Variants in NUBPL observed in about 807,000 individuals in gnomAD.
NUBPL encodes the protein NUBP iron-sulfur cluster assembly factor, mitochondrial, also known as iron-sulfur cluster transfer protein NUBPL.
NUBPL carries 31 observed loss-of-function variants against 45.7 expected under a neutral mutation model. That is an observed-to-expected ratio of 0.68 (90% confidence interval 0.51 to 0.92). NUBPL has a LOEUF of 0.92. NUBPL is among the 40% of genes least tolerant of loss of function. The pLI, the probability that NUBPL is intolerant of heterozygous loss-of-function variation, is 0.00. For missense variants in NUBPL, 401 were observed against 398.7 expected (o/e 1.01, Z -0.05); for synonymous variants, 144 against 140.9 (o/e 1.02, Z -0.15).
At chr14:31,771,334 G>GA (rs555492198) in intron 6 of NUBPL, among the ~76,000 whole-genome samples, 16 of 149,688 alleles carry the variant, frequency 1.1e-4, no homozygotes, top group South Asian at 6.3e-4. Flanking sequence ...ACCAGAATAG[G>GA]AAAAAAAAAG....
chr14:31,856,425 C>T (rs2040621043), intron 10 of NUBPL, among the ~76,000 whole-genome samples: 1 of 152,100 alleles, frequency 6.6e-6, no homozygotes, highest in Admixed American at 6.5e-5. Context: ...TCCACCCCAG[C>T]CCCTCCCAAA....
At chr14:31,652,376 A>G (rs1207128822) in intron 4 of NUBPL, among the ~76,000 whole-genome samples, 1 of 152,190 alleles carries the variant, frequency 6.6e-6, no homozygotes, top group Non-Finnish European at 1.5e-5. Context: ...GCCATTGTAC[A>G]GCGTGGGGAC....
At chr14:31,755,913 A>G (rs1342739382) in intron 6 of NUBPL, among the ~76,000 whole-genome samples, 2 of 151,456 alleles carry the variant, frequency 1.3e-5, no homozygotes, top group African/African-American at 2.4e-5. Context: ...AGCTTTGTAC[A>G]TATGGCTAGC....
intron 7 of NUBPL, among the ~76,000 whole-genome samples, chr14:31,806,592 C>T (rs1479470378): frequency 6.6e-6 from 1 of 151,822 alleles, no homozygotes; most frequent in African/African-American, 2.4e-5. Flanking sequence ...TTTCTTTTTT[C>T]TGTTTTATTT....
Position 31,599,315 on chromosome 14 carries a change from G to A in NUBPL, c.318G>A (p.Val106=). The change falls in exon 4 of 11, where the codon GTG becomes GTA. Residue 106 remains valine, a synonymous_variant. Coordinates refer to ENST00000281081, the MANE Select transcript of NUBPL (RefSeq NM_025152.3). ...CCAAGGCCATTGGTTTGCTAGATGT[G>A]GATGTGTATGGACCTTCAGTTCCAA... ...DSSKAIGLLD[V]DVYGPSVPKM... is the part of the protein sequence containing the mutation. The A allele has an allele frequency of 1.2e-6, 2 of 1,612,478 alleles. No homozygotes were observed. Among genetic ancestry groups the A allele is most frequent in the East Asian group, 2.2e-5 (1 of 44,772 alleles).
chr14:31,742,642 C>T lies in NUBPL; in HGVS notation c.514-45138C>T, dbSNP rs892980828. ...TTTCTGAGATGGAGTCTTACTCTGT[C>T]GCCCAGGCTAGAGTGCAGTGACATG... is the stretch of plus-strand genomic sequence containing the variant. On this transcript the variant is annotated intron_variant, in intron 6 of 10. Coordinates refer to ENST00000281081, the MANE Select transcript of NUBPL (RefSeq NM_025152.3). 5.3e-5 allele frequency among the ~76,000 whole-genome samples: 8 copies of T among 152,280 alleles called. No individual in the cohort carries two copies. The East Asian group carries it at 5.8e-4, about 11-fold the overall frequency.
At chr14:31,605,997 TCTC>T (rs555483712) in intron 4 of NUBPL, among the ~76,000 whole-genome samples, 115 of 143,630 alleles carry the variant, frequency 8.0e-4, no homozygotes, top group African/African-American at 2.9e-3. Context: ...CGTCCTCCCT[TCTC>T]CTTCTTCCTT....
chr14:31,652,954 G>A (rs1214214549), intron 4 of NUBPL, among the ~76,000 whole-genome samples: 1 of 152,088 alleles, frequency 6.6e-6, no homozygotes, highest in African/African-American at 2.4e-5. Context: ...GGCCTCTGGG[G>A]GTGACATCAC....
At chr14:31,723,534 G>A (rs530177486) in intron 6 of NUBPL, among the ~76,000 whole-genome samples, 53 of 152,210 alleles carry the variant, frequency 3.5e-4, no homozygotes, top group Non-Finnish European at 6.6e-4. Context: ...GCTTTGAGCA[G>A]TATGACCATT....
chr14:31,696,054 T>A (rs778552594), intron 6 of NUBPL, among the ~76,000 whole-genome samples: 3 of 152,240 alleles, frequency 2.0e-5, no homozygotes, highest in African/African-American at 4.8e-5. Flanking sequence ...GGGGAGTTAC[T>A]GTTTTAAAGT....
intron 6 of NUBPL, among the ~76,000 whole-genome samples, chr14:31,679,548 T>G (rs2036780730): frequency 6.6e-6 from 1 of 152,210 alleles, no homozygotes; most frequent in South Asian, 2.1e-4. Flanking sequence ...TATTTATATA[T>G]TAGATAAAAA....
intron 4 of NUBPL, among the ~76,000 whole-genome samples, chr14:31,606,161 A>G (rs1407069432): frequency 7.1e-6 from 1 of 141,786 alleles, no homozygotes; most frequent in Non-Finnish European, 1.5e-5. Flanking sequence ...TGGTGCCATC[A>G]TAACTCACTG....
chr14:31,599,924 CTTT>C (rs34188934), intron 4 of NUBPL, among the ~76,000 whole-genome samples: 4 of 135,286 alleles, frequency 3.0e-5, no homozygotes, highest in Admixed American at 7.6e-5. Flanking sequence ...AGTTTTTTTT[CTTT>C]TTTTTTTTTT....
chr14:31,699,590 T>A (rs1401236980), intron 6 of NUBPL, among the ~76,000 whole-genome samples: 1 of 151,928 alleles, frequency 6.6e-6, no homozygotes, highest in Non-Finnish European at 1.5e-5. Flanking sequence ...AATTTTAAAT[T>A]TTTGCTTGAA....
At chr14:31,650,290 T>TC (rs201495185) in intron 4 of NUBPL, among the ~76,000 whole-genome samples, 1 of 5,772 alleles carries the variant, frequency 1.7e-4, no homozygotes, top group African/African-American at 2.8e-4. Flanking sequence ...TTTCTTTCTT[T>TC]TTTTTTTTTT....
chr14:31,573,137 C>T (rs769366348), intron 3 of NUBPL, among the ~76,000 whole-genome samples: 3 of 152,086 alleles, frequency 2.0e-5, no homozygotes, highest in East Asian at 1.9e-4. Context: ...ACCATAAACA[C>T]GTGAATCATG....
intron 8 of NUBPL, among the ~76,000 whole-genome samples, chr14:31,839,152 A>C (rs530250184): frequency 2.0e-5 from 3 of 152,176 alleles, no homozygotes; most frequent in African/African-American, 7.2e-5. Context: ...CTTTATTACC[A>C]TTCTTCTCAT....
intron 6 of NUBPL, chr14:31,771,861 C>T (rs1262006009): frequency 1.0e-6 from 1 of 985,180 alleles, no homozygotes; most frequent in African/African-American, 1.7e-5. Context: ...TAGGATGTGA[C>T]CACAGATGGC....
chr14:31,631,751 C>T (rs900405414), intron 4 of NUBPL, among the ~76,000 whole-genome samples: 26 of 152,068 alleles, frequency 1.7e-4, no homozygotes, highest in African/African-American at 6.3e-4. Flanking sequence ...GTGAATTCTC[C>T]CTTATTCCAC....
Sources: gnomAD v4.1 joint callset for allele counts (sites outside exome capture counted in the v4.1 genomes callset) on GRCh38, gnomAD v4.1.1 for gene constraint, MANE v1.5 for transcripts, NCBI Gene and HGNC (gene_info 2026-07-23, HGNC 2026-07-21) for gene names.